The following DLC1 variants were observed in gnomAD, a reference collection of about 807,000 sequenced individuals.
DLC1 encodes the protein rho GTPase-activating protein 7.
A neutral mutation model predicts 140.3 loss-of-function variants in DLC1; 54 were observed. The observed-to-expected ratio is 0.38, with a 90% CI of 0.31 to 0.48. The LOEUF is 0.48. DLC1 is among the 20% of genes least tolerant of loss of function. The pLI is 0.96. For synonymous variants in DLC1, 986 were observed against 728.1 expected (o/e 1.35, Z -5.70); for missense variants, 2,536 against 1,907.0 (o/e 1.33, Z -6.14).
intron 1 of DLC1, among the ~76,000 whole-genome samples, chr8:13,586,587 A>G (rs1805321921): frequency 1.9e-5 from 2 of 106,920 alleles, no homozygotes; most frequent in Admixed American, 1.2e-4. Context: ...GCAGATGCAC[A>G]TGCACACACA....
intron 5 of DLC1, among the ~76,000 whole-genome samples, chr8:13,266,415 G>T (rs949543794): frequency 6.6e-6 from 1 of 152,254 alleles, no homozygotes; most frequent in Admixed American, 6.5e-5. Flanking sequence ...TGTCTCAGGA[G>T]CACATTACTC....
chr8:13,394,058 C>T (rs1836900343), intron 3 of DLC1, among the ~76,000 whole-genome samples: 1 of 152,210 alleles, frequency 6.6e-6, no homozygotes, highest in African/African-American at 2.4e-5. Flanking sequence ...CACTGACACT[C>T]CTCTGACTAT....
chr8:13,567,901 C>T (rs766448217), intron 1 of DLC1: 54 of 1,551,698 alleles, frequency 3.5e-5, no homozygotes, highest in Non-Finnish European at 4.4e-5. Flanking sequence ...ATTTCTCAAG[C>T]GACTTACTCT....
intron 5 of DLC1, among the ~76,000 whole-genome samples, chr8:13,128,061 A>G (rs1192365215): frequency 1.3e-5 from 2 of 152,058 alleles, no homozygotes; most frequent in African/African-American, 4.8e-5. Flanking sequence ...AACCCCAAAA[A>G]AACAACAACC....
intron 5 of DLC1, among the ~76,000 whole-genome samples, chr8:13,272,223 G>C (rs973921877): frequency 3.9e-5 from 6 of 152,118 alleles, no homozygotes; most frequent in African/African-American, 1.4e-4. Context: ...CAAAGTGGGT[G>C]GATCATTTGA....
chr8:13,253,985 T>C (rs1167110023), intron 5 of DLC1, among the ~76,000 whole-genome samples: 1 of 152,032 alleles, frequency 6.6e-6, no homozygotes, highest in Non-Finnish European at 1.5e-5. Flanking sequence ...GTGAATGTGG[T>C]CTCTTTTAAT....
intron 4 of DLC1, among the ~76,000 whole-genome samples, chr8:13,328,289 A>G (rs1036052132): frequency 6.6e-6 from 1 of 152,236 alleles, no homozygotes; most frequent in African/African-American, 2.4e-5. Context: ...AGCTCAAGAA[A>G]GAACTGACTG....
rs1818398525 is a variant in DLC1, at chr8:13,095,110, G to A, written c.3303C>T (p.Tyr1101=). The A allele has an allele frequency of 1.9e-6, 3 of 1,614,280 alleles. No individual in the cohort carries two copies. The highest frequency in any genetic ancestry group is 1.7e-6 in the Non-Finnish European group (2 of 1,180,054). Residue 1101 remains tyrosine, a synonymous_variant, in exon 11 of 18, where the codon TAC becomes TAT. Coordinates refer to ENST00000276297, the MANE Select transcript of DLC1 (RefSeq NM_182643.3). The part of the protein sequence containing the change: ...LPQSIQQAMR[Y]LRNHCLDQVG... Reference sequence around the variant, plus strand: ...CCTGATCCAAACAATGGTTCCGGAGGTATCGCATGGCCTGCTGGATGCTCT... The same window carrying A: ...CCTGATCCAAACAATGGTTCCGGAGATATCGCATGGCCTGCTGGATGCTCT...
intron 5 of DLC1, among the ~76,000 whole-genome samples, chr8:13,230,525 G>A (rs544224938): frequency 6.6e-6 from 1 of 152,022 alleles, no homozygotes; most frequent in Non-Finnish European, 1.5e-5. Flanking sequence ...GGGGAGAGAG[G>A]CTGCCTAAAT....
chr8:13,318,070 C>G (rs1832926616), intron 4 of DLC1, among the ~76,000 whole-genome samples: 1 of 152,010 alleles, frequency 6.6e-6, no homozygotes, highest in East Asian at 1.9e-4. Flanking sequence ...TTGTGTTACC[C>G]AGGATGGAGT....
chr8:13,459,045 T>C (rs1212251176), intron 2 of DLC1, among the ~76,000 whole-genome samples: 2 of 152,228 alleles, frequency 1.3e-5, no homozygotes, highest in African/African-American at 4.8e-5. Context: ...TGCATCCAGC[T>C]AATGAATAAT....
In DLC1 at chr8:13,305,282, C is replaced by G; in HGVS notation, c.1335G>C (p.Glu445Asp). ...ATGTCAACTTACCAGCCTTTTCCTT[C>G]TCTGAAATACCTTGAATAGCCTGAA... ...PKTTAIQGIS[E>D]KEKAEIEAKE... Residue 445 changes from glutamate to aspartate, a missense_variant, in exon 5 of 18, where the codon GAG becomes GAC. Transcript: ENST00000276297. 6.2e-7 allele frequency: 1 copy of G among 1,607,386 alleles called. No individual in the cohort carries two copies. Among genetic ancestry groups the G allele is most frequent in the East Asian group, 2.2e-5 (1 of 44,690 alleles).
rs3066465 is a variant in DLC1, at chr8:13,552,111, GTATATATATATATATA to G, written c.-125-51931_-125-51916del. On this transcript the variant is annotated intron_variant, in intron 1 of 1. Transcript: ENST00000631382. ...TATATGTATGTACCTGTCTAGAGGT[GTATATATATATATATA>G]TATATATATATATATCTGTCTAGAG... 2.3e-3 allele frequency among the ~76,000 whole-genome samples: 123 copies of G among 54,534 alleles called. 3 individuals carry two copies. In the South Asian group the frequency reaches 0.036, roughly 16 times the overall value. 35.8% of individuals were successfully genotyped at this position (54,534 alleles called of 152,430 possible). A position where few individuals can be genotyped will look rare whatever the true frequency, so the allele number is the denominator to read the frequency against.
chr8:13,199,456 C>G (rs923946773), intron 5 of DLC1, among the ~76,000 whole-genome samples: 13 of 152,100 alleles, frequency 8.5e-5, no homozygotes, highest in Non-Finnish European at 1.5e-4. Flanking sequence ...GATGGGATTA[C>G]AGGCTTGAGC....
Position 13,482,342 on chromosome 8 carries a change from C to CAGAG in DLC1, c.1023+16703_1023+16706dup, listed in dbSNP as rs34281588. On this transcript the variant is annotated intron_variant, in intron 2 of 17. Coordinates refer to ENST00000276297, the MANE Select transcript of DLC1 (RefSeq NM_182643.3). ...TGGTGTCTACAAGAATGGGACAAGT[C>CAGAG]AGAGAGAGAGAGTTTAACTTTTCAT... Among the ~76,000 whole-genome samples the CAGAG allele has an allele frequency of 8.5e-3, 1,289 of 151,376 alleles. 10 individuals are homozygous for CAGAG. The highest frequency in any genetic ancestry group is 0.017 in the Middle Eastern group (5 of 294).
chr8:13,104,725 G>A (rs1327060327), intron 7 of DLC1, among the ~76,000 whole-genome samples: 2 of 152,120 alleles, frequency 1.3e-5, no homozygotes, highest in Non-Finnish European at 1.5e-5. Flanking sequence ...AAGCATTTTT[G>A]CCTGCCTGAT....
intron 4 of DLC1, among the ~76,000 whole-genome samples, chr8:13,334,500 C>G (rs1055549570): frequency 6.6e-5 from 10 of 152,068 alleles, no homozygotes; most frequent in Non-Finnish European, 7.4e-5. Flanking sequence ...ACTGCGCAGG[C>G]AGGGGAGAAG....
chr8:13,085,722 G>A lies in DLC1; in HGVS notation c.*89C>T. ...CAGCTTGTAGTTTTCTTTGTTTCAG[G>A]ATTAGACACAGAACCCATTCTTCAA... is the stretch of plus-strand genomic sequence containing the variant. On this transcript the variant is annotated 3_prime_UTR_variant, in exon 18 of 18. Coordinates refer to ENST00000276297, the MANE Select transcript of DLC1 (RefSeq NM_182643.3). The A allele has an allele frequency of 6.4e-7, 1 of 1,570,916 alleles. No homozygotes were observed. The highest frequency in any genetic ancestry group is 8.6e-7 in the Non-Finnish European group (1 of 1,157,854).
chr8:13,521,303 T>C (rs1585238630), intron 1 of DLC1, among the ~76,000 whole-genome samples: 1 of 151,994 alleles, frequency 6.6e-6, no homozygotes, highest in East Asian at 1.9e-4. Flanking sequence ...CACGTGGGGC[T>C]TAATACCTAG....
Sources: gnomAD v4.1 joint callset for allele counts (sites outside exome capture counted in the v4.1 genomes callset) on GRCh38, gnomAD v4.1.1 for gene constraint, MANE v1.5 for transcripts, NCBI Gene and HGNC (gene_info 2026-07-23, HGNC 2026-07-21) for gene names.